ADGRG6: variants seen among roughly 807,000 people sequenced by gnomAD.
ADGRG6 encodes G-protein coupled receptor 126.
A neutral mutation model predicts 142.4 loss-of-function variants in ADGRG6; 84 were observed. The observed-to-expected ratio is 0.59, with a 90% CI of 0.49 to 0.71. The LOEUF is 0.71. Ranked by LOEUF, ADGRG6 falls within the 30% of genes least tolerant of loss-of-function variation. ADGRG6 has a pLI of 0.00. For synonymous variants in ADGRG6, 521 were observed against 520.5 expected (o/e 1.00, Z -0.01); for missense variants, 1,367 against 1,466.6 (o/e 0.93, Z 1.11).
chr6:142,445,146 T>G lies in ADGRG6; in HGVS notation c.*1631T>G, dbSNP rs1444224888. The stretch of plus-strand genomic sequence containing the variant: ...GATGATGAGATAATGAGGTAGTGGG[T>G]TTTTTATTACTGTTCCATTTTGCAA... On this transcript the variant is annotated 3_prime_UTR_variant, in exon 25 of 25. Transcript: ENST00000367609. The G allele has an allele frequency of 2.0e-5, 3 of 151,928 alleles. No individual in the cohort carries two copies. The highest frequency in any genetic ancestry group is 2.0e-4 in the Admixed American group (3 of 15,226). The allele number at this position is 151,928 out of a possible 1,614,324, so 9.4% of individuals were successfully genotyped here.
rs1437087887 is a variant in ADGRG6 at position 142,411,345 on chromosome 6, C to CA, written c.2476dup (p.Arg826LysfsTer7). 2 of 1,609,582 alleles carry CA rather than the reference C, an allele frequency of 1.2e-6. No homozygotes were observed. Among genetic ancestry groups the CA allele is most frequent in the Admixed American group, 3.3e-5 (2 of 59,974 alleles). On this transcript the variant is annotated frameshift_variant, in exon 18 of 25. Transcript: ENST00000367609. LOFTEE classifies it high-confidence loss of function. ...GGAACACGTCAGGATGTGTTGCACA[C>CA]AGAGATTCAGATGCAAGTGAGACAG...
At chr6:142,361,838 C>T (rs1283221943) in intron 2 of ADGRG6, among the ~76,000 whole-genome samples, 1 of 151,548 alleles carries the variant, frequency 6.6e-6, no homozygotes, top group Non-Finnish European at 1.5e-5. Context: ...GGAAAAGCCT[C>T]AACCATTGCT....
intron 2 of ADGRG6, among the ~76,000 whole-genome samples, chr6:142,329,641 T>A (rs1201691248): frequency 6.6e-6 from 1 of 152,114 alleles, no homozygotes; most frequent in Non-Finnish European, 1.5e-5. Context: ...TAGAAAAAGC[T>A]CCCATCATTG....
chr6:142,390,227 T>A (rs770093936), intron 6 of ADGRG6, 31 bp from the exon 7 acceptor site: 20 of 1,082,644 alleles, frequency 1.8e-5, no homozygotes, highest in Non-Finnish European at 2.6e-5. Context: ...AAACATATAA[T>A]TAATGGACTA....
chr6:142,390,579 C>T (rs749488299), intron 7 of ADGRG6, among the ~76,000 whole-genome samples: 2 of 151,788 alleles, frequency 1.3e-5, no homozygotes, highest in South Asian at 2.1e-4. Context: ...AGAAAAGTAT[C>T]GCACAAATGG....
chr6:142,408,839 C>T (rs1320027911), intron 16 of ADGRG6, among the ~76,000 whole-genome samples: 1 of 152,052 alleles, frequency 6.6e-6, no homozygotes, highest in East Asian at 1.9e-4. Flanking sequence ...GGGCCCTCAT[C>T]ATGATTCTGC....
At position 142,393,887 on chromosome 6, in the gene ADGRG6, T is replaced by G; in HGVS notation, c.1362-9T>G. The G allele has an allele frequency of 6.6e-7, 1 of 1,521,820 alleles. No homozygotes were observed. The highest frequency in any genetic ancestry group is 8.9e-7 in the Non-Finnish European group (1 of 1,118,164). The allele number at this position is 1,521,820 out of a possible 1,614,324, so 94.3% of individuals were successfully genotyped here. A position where few individuals can be genotyped will look rare whatever the true frequency, so the allele number is the denominator to read the frequency against. ...GTGGATTAATGAATATATGTATTTG[T>G]GTTTTTAGTTTTCACCTGAGTGCTG... On this transcript the variant is annotated splice_polypyrimidine_tract_variant and intron_variant, in intron 8 of 24. Coordinates refer to ENST00000367609, the MANE Select transcript of ADGRG6 (RefSeq NM_198569.3).
At chr6:142,304,020 C>T (rs1278936095) in intron 1 of ADGRG6, among the ~76,000 whole-genome samples, 1 of 151,954 alleles carries the variant, frequency 6.6e-6, no homozygotes, top group East Asian at 1.9e-4. Context: ...CATTTTTTAC[C>T]AGATGGTAAG....
Position 142,443,603 on chromosome 6 carries a change from C to G in ADGRG6, c.*88C>G. 1 of 792,728 alleles carries G rather than the reference C, an allele frequency of 1.3e-6. No individual in the cohort carries two copies. The allele number at this position is 792,728 out of a possible 1,614,324, so 49.1% of individuals were successfully genotyped here. Reference sequence around the variant, plus strand: ...AACTAGTGATGTAAATGTGCTATTACCTAGGTAACTGCATATATATAAGGA... The same window carrying G: ...AACTAGTGATGTAAATGTGCTATTAGCTAGGTAACTGCATATATATAAGGA... On this transcript the variant is annotated 3_prime_UTR_variant, in exon 25 of 25. Transcript: ENST00000367609.
At chr6:142,416,128 G>GA (rs1312576429) in intron 20 of ADGRG6, 64 bp downstream of exon 20, 3 of 1,226,358 alleles carry the variant, frequency 2.4e-6, no homozygotes, top group Non-Finnish European at 3.4e-6. Context: ...ATTCTCATAG[G>GA]AAAAAATCTT....
At chr6:142,351,462 C>G (rs1780171127) in intron 2 of ADGRG6, among the ~76,000 whole-genome samples, 1 of 152,114 alleles carries the variant, frequency 6.6e-6, no homozygotes, top group Non-Finnish European at 1.5e-5. Flanking sequence ...GAAAGGACTC[C>G]CCATTCAATA....
Position 142,370,811 on chromosome 6 carries a change from TC to T in ADGRG6, c.1069+20del, listed in dbSNP as rs2114869552. ...AAGCTGTGGTGAGTTTGTAGCGTAT[TC>T]CTTTTTTTTTTTTTTTTTAGCATTA... On this transcript the variant is annotated intron_variant, in intron 4 of 24. Transcript: ENST00000367609. 1 of 1,586,386 alleles carries T rather than the reference TC, an allele frequency of 6.3e-7. No homozygotes were observed. Among genetic ancestry groups the T allele is most frequent in the East Asian group, 2.3e-5 (1 of 44,288 alleles).
At chr6:142,338,017 G>GTTTCTTTTTTTTTTTTTTTT (rs1779411016) in intron 2 of ADGRG6, among the ~76,000 whole-genome samples, 1 of 35,392 alleles carries the variant, frequency 2.8e-5, no homozygotes, top group Non-Finnish European at 4.7e-5. Context: ...TTGTATCTTT[G>GTTTCTTTTTTTTTTTTTTTT]TTTTTTTTTT....
In ADGRG6 at chr6:142,370,298, G is replaced by T. The variant is rs764999436; in HGVS notation, c.574G>T (p.Val192Phe). 3.1e-6 allele frequency: 5 copies of T among 1,613,768 alleles called. No individual in the cohort carries two copies. Among genetic ancestry groups the T allele is most frequent in the East Asian group, 4.5e-5 (2 of 44,886 alleles). ...CACACTCTGCTTTGAAGCAACCAAAGTTGGCCATGAAGACAGTGATTGGAC... is the reference window on the plus strand; with the variant it reads ...CACACTCTGCTTTGAAGCAACCAAATTTGGCCATGAAGACAGTGATTGGAC... ...AFTLCFEATK[V>F]GHEDSDWTAF... The change falls in exon 4 of 25, where the codon GTT becomes TTT. Residue 192 changes from valine (V) to phenylalanine (F), a missense_variant. By Grantham distance (50) the Val-to-Phe change is conservative. This residue lies in a region of ADGRG6 where 737 missense variants were observed against 746.5 expected (regional missense o/e 0.99). Transcript: ENST00000367609.
At chr6:142,355,958 C>T (rs891610067) in intron 2 of ADGRG6, among the ~76,000 whole-genome samples, 9 of 152,162 alleles carry the variant, frequency 5.9e-5, no homozygotes, top group Non-Finnish European at 1.0e-4. Flanking sequence ...GTGGAGGCCC[C>T]CTGGGGCATA....
chr6:142,348,034 TAATC>T (rs1779990541), intron 2 of ADGRG6, among the ~76,000 whole-genome samples: 1 of 152,184 alleles, frequency 6.6e-6, no homozygotes, highest in Non-Finnish European at 1.5e-5. Context: ...TTAAGTATCA[TAATC>T]AATGAGGTTT....
At chr6:142,379,609 T>C (rs1284818788) in intron 4 of ADGRG6, among the ~76,000 whole-genome samples, 1 of 151,894 alleles carries the variant, frequency 6.6e-6, no homozygotes, top group Non-Finnish European at 1.5e-5. Flanking sequence ...CTACTAAAAA[T>C]ACAAAAAATT....
chr6:142,326,574 C>G (rs759708734), intron 2 of ADGRG6, among the ~76,000 whole-genome samples: 14 of 151,018 alleles, frequency 9.3e-5, no homozygotes, highest in Non-Finnish European at 1.6e-4. Flanking sequence ...ACACTGAATA[C>G]CAACTCCTTG....
At chr6:142,408,092 C>T in intron 15 of ADGRG6, 58 bp from the exon 16 acceptor site, 1 of 1,352,136 alleles carries the variant, frequency 7.4e-7, no homozygotes, top group Non-Finnish European at 1.0e-6. Flanking sequence ...TTTGGAGCAC[C>T]AAAGTAAAAT....
Sources: gnomAD v4.1 joint callset for allele counts (sites outside exome capture counted in the v4.1 genomes callset) on GRCh38, gnomAD v4.1.1 for gene constraint, gnomAD v4.1.1 regional missense constraint, MANE v1.5 for transcripts, NCBI Gene and HGNC (gene_info 2026-07-23, HGNC 2026-07-21) for gene names.